Variants in NRXN1 observed in about 807,000 individuals in gnomAD.
NRXN1 encodes the protein neurexin 1.
NRXN1 carries 39 observed loss-of-function variants against 150.9 expected under a neutral mutation model. The observed-to-expected ratio is 0.26, with a 90% CI of 0.20 to 0.34. The LOEUF (loss-of-function observed/expected upper bound fraction) is 0.34. NRXN1 is among the 10% of genes least tolerant of loss of function. The pLI, the probability that NRXN1 is intolerant of heterozygous loss-of-function variation, is 1.00. For missense variants in NRXN1, 1,815 were observed against 1,949.9 expected, an observed-to-expected ratio of 0.93 and a Z score of 1.30; for synonymous variants, 924 against 757.0, an observed-to-expected ratio of 1.22 and a Z score of -3.62.
At chr2:50,272,881 C>G (rs1315111271) in intron 17 of NRXN1, among the ~76,000 whole-genome samples, 1 of 151,462 alleles carries the variant, frequency 6.6e-6, no homozygotes, top group African/African-American at 2.4e-5. Flanking sequence ...AAAAAGAAAC[C>G]CTTAATGAAA....
intron 18 of NRXN1, among the ~76,000 whole-genome samples, chr2:50,138,761 T>C (rs1706796530): frequency 1.3e-5 from 2 of 152,366 alleles, no homozygotes; most frequent in East Asian, 1.9e-4. Flanking sequence ...AGCCATCTTA[T>C]GTTATTGTTC....
chr2:50,080,834 G>A lies in NRXN1; in HGVS notation c.3718+10489C>T, dbSNP rs980262831. Among the ~76,000 whole-genome samples the A allele has an allele frequency of 1.3e-5, 2 of 152,120 alleles. 1 individual carries two copies. The highest frequency in any genetic ancestry group is 4.8e-5 in the African/African-American group (2 of 41,422). Reference sequence around the variant, plus strand: ...TGGTTAGAAGGTTATTAGCAGGTTAGTAAAGGGCAGCCACATTTCATTGGA... The same window carrying A: ...TGGTTAGAAGGTTATTAGCAGGTTAATAAAGGGCAGCCACATTTCATTGGA... On this transcript the variant is annotated intron_variant, in intron 19 of 22. Transcript: ENST00000401669.
At chr2:50,004,670 C>A (rs949907134) in intron 21 of NRXN1, among the ~76,000 whole-genome samples, 8 of 152,064 alleles carry the variant, frequency 5.3e-5, no homozygotes, top group African/African-American at 1.7e-4. Context: ...AAATCAACAA[C>A]CTGAAGGTAG....
rs564834595 is a variant in NRXN1, at chr2:50,311,676, C to G, written c.3365-74706G>C. Among the ~76,000 whole-genome samples the G allele has an allele frequency of 3.3e-5, 5 of 152,178 alleles. No individual in the cohort carries two copies. In the South Asian group the frequency reaches 1.0e-3, roughly 32 times the overall value. On this transcript the variant is annotated intron_variant, in intron 17 of 22. Coordinates refer to ENST00000401669, the MANE Select transcript of NRXN1 (RefSeq NM_001330078.2). ...AATATGCAGCCACTGATCTTCACGT[C>G]TCAAATTATAATAGTCAATAAAGAA...
chr2:50,230,382 TG>T (rs1447538060), intron 18 of NRXN1, among the ~76,000 whole-genome samples: 1 of 152,016 alleles, frequency 6.6e-6, no homozygotes, highest in Non-Finnish European at 1.5e-5. Context: ...GAGATCAAAA[TG>T]CTGAAGACAT....
chr2:50,905,470 A>T (rs1440230577), intron 5 of NRXN1, among the ~76,000 whole-genome samples: 1 of 152,174 alleles, frequency 6.6e-6, no homozygotes, highest in Non-Finnish European at 1.5e-5. Flanking sequence ...TCAATTAAAA[A>T]TAACTACATC....
intron 2 of NRXN1, among the ~76,000 whole-genome samples, chr2:51,002,276 T>C (rs1260983166): frequency 6.6e-6 from 1 of 151,962 alleles, no homozygotes; most frequent in Non-Finnish European, 1.5e-5. Context: ...TATAAAGATA[T>C]TTCCTAAGTG....
intron 15 of NRXN1, among the ~76,000 whole-genome samples, chr2:50,476,880 A>C (rs2104748247): frequency 6.6e-6 from 1 of 152,244 alleles, no homozygotes. Context: ...TTTGACACAA[A>C]GCGATTAAGA....
At chr2:50,551,972 C>A (rs1667608682) in intron 9 of NRXN1, among the ~76,000 whole-genome samples, 1 of 152,134 alleles carries the variant, frequency 6.6e-6, no homozygotes, top group Non-Finnish European at 1.5e-5. Flanking sequence ...GCCACCTTTA[C>A]CCCTCCTCTC....
At chr2:50,293,362 A>T (rs1338351763) in intron 17 of NRXN1, among the ~76,000 whole-genome samples, 1 of 152,138 alleles carries the variant, frequency 6.6e-6, no homozygotes, top group Non-Finnish European at 1.5e-5. Context: ...CTCTGAGGGA[A>T]GTAGTCATAG....
chr2:50,467,832 GAACT>G (rs1470488672), intron 16 of NRXN1, among the ~76,000 whole-genome samples: 2 of 151,148 alleles, frequency 1.3e-5, no homozygotes, highest in Non-Finnish European at 1.5e-5. Context: ...AAAGAACTAA[GAACT>G]AACAAAGAAC....
intron 2 of NRXN1, among the ~76,000 whole-genome samples, chr2:51,013,740 T>C (rs1297921101): frequency 1.3e-5 from 2 of 152,088 alleles, no homozygotes; most frequent in Non-Finnish European, 1.5e-5. Flanking sequence ...TGACCTGTTC[T>C]CACATTTATA....
intron 5 of NRXN1, among the ~76,000 whole-genome samples, chr2:50,875,537 T>C (rs1678446172): frequency 6.6e-6 from 1 of 151,834 alleles, no homozygotes; most frequent in South Asian, 2.1e-4. Flanking sequence ...TTTCTTTTTA[T>C]GGTTTTCAAG....
At chr2:50,181,359 T>A (rs886990316) in intron 18 of NRXN1, among the ~76,000 whole-genome samples, 8 of 152,102 alleles carry the variant, frequency 5.3e-5, no homozygotes, top group African/African-American at 1.4e-4. Flanking sequence ...CCCTTCTCCT[T>A]GCTGTTGTAG....
chr2:50,697,703 C>T (rs554581995), intron 5 of NRXN1, among the ~76,000 whole-genome samples: 1 of 152,292 alleles, frequency 6.6e-6, no homozygotes, highest in East Asian at 1.9e-4. Flanking sequence ...TTCAAATCCT[C>T]AAATAATATT....
chr2:50,901,367 C>T (rs939918632), intron 5 of NRXN1, among the ~76,000 whole-genome samples: 5 of 151,918 alleles, frequency 3.3e-5, no homozygotes, highest in Non-Finnish European at 7.4e-5. Flanking sequence ...AAACCAGTCT[C>T]TACTAAAAAT....
intron 5 of NRXN1, among the ~76,000 whole-genome samples, chr2:50,668,435 T>A (rs1688375840): frequency 6.6e-6 from 1 of 152,000 alleles, no homozygotes; most frequent in South Asian, 2.1e-4. Context: ...TTGGTATCCA[T>A]AAGTTATATG....
chr2:50,190,463 A>T (rs954344277), intron 18 of NRXN1, among the ~76,000 whole-genome samples: 6 of 152,162 alleles, frequency 3.9e-5, no homozygotes, highest in Admixed American at 2.6e-4. Context: ...ATCATAAAAA[A>T]GTTATTTAGT....
chr2:50,209,768 C>T (rs945070099), intron 18 of NRXN1, among the ~76,000 whole-genome samples: 2 of 151,864 alleles, frequency 1.3e-5, no homozygotes, highest in Non-Finnish European at 2.9e-5. Flanking sequence ...ATAGATATAA[C>T]TTGGTGTTTT....
Sources: gnomAD v4.1 joint callset for allele counts (sites outside exome capture counted in the v4.1 genomes callset) on GRCh38, gnomAD v4.1.1 for gene constraint, MANE v1.5 for transcripts, NCBI Gene and HGNC (gene_info 2026-07-23, HGNC 2026-07-21) for gene names.